The following PCDH7 variants were observed in gnomAD, a reference collection of about 807,000 sequenced individuals.
PCDH7 encodes protocadherin-7.
In PCDH7, 17 loss-of-function variants were observed where a neutral mutation model predicts 58.9. The ratio of observed to expected loss-of-function variants is 0.29; its 90% CI spans 0.20 to 0.43. PCDH7 has a LOEUF of 0.43. PCDH7 is among the 20% of genes least tolerant of loss of function. The pLI is 1.00. For missense variants in PCDH7, 1,274 were observed against 1,441.0 expected (o/e 0.88, Z 1.88); for synonymous variants, 664 against 616.4 (o/e 1.08, Z -1.14).
chr4:31,045,483 G>T (rs1372362001), intron 3 of PCDH7, among the ~76,000 whole-genome samples: 2 of 151,914 alleles, frequency 1.3e-5, no homozygotes, highest in African/African-American at 4.8e-5. Context: ...CTTACACTGG[G>T]CATTCCGTTC....
intron 3 of PCDH7, among the ~76,000 whole-genome samples, chr4:31,135,791 G>A (rs953252481): frequency 1.9e-4 from 29 of 152,190 alleles, no homozygotes; most frequent in African/African-American, 6.3e-4. Flanking sequence ...GATGCAAATA[G>A]CCTTGCATTA....
intron 2 of PCDH7, among the ~76,000 whole-genome samples, chr4:30,948,277 G>A (rs1459075322): frequency 6.8e-6 from 1 of 148,006 alleles, no homozygotes; most frequent in Non-Finnish European, 1.5e-5. Flanking sequence ...TAGCATATTA[G>A]CAACTCATAT....
At chr4:30,724,344 C>T (rs1714295943) in exon 1 of PCDH7, 5 of 1,613,950 alleles carry the variant, frequency 3.1e-6, no homozygotes, top group East Asian at 2.2e-5. Flanking sequence ...TGTCAGACAG[C>T]CCAAGCATGG....
Position 31,097,527 on chromosome 4 carries a change from GA to G in PCDH7, c.*8-44943del, listed in dbSNP as rs1455901297. Among the ~76,000 whole-genome samples, 150 of 131,334 alleles carry G rather than the reference GA, an allele frequency of 1.1e-3. 4 individuals are homozygous for G. The highest frequency in any genetic ancestry group is 4.0e-3 in the African/African-American group (140 of 35,370). The allele number at this position is 131,334 out of a possible 152,430, so 86.2% of individuals were successfully genotyped here. Reference sequence around the variant, plus strand: ...AAGAAAGAGAGAAAGAAAGAAGAAAGAAAGAAAGAAAGAAAGATGCACTTAC... The same window carrying G: ...AAGAAAGAGAGAAAGAAAGAAGAAAGAAGAAAGAAAGAAAGATGCACTTAC... On this transcript the variant is annotated intron_variant, in intron 3 of 3. Coordinates refer to the PCDH7 transcript ENST00000509759.
chr4:30,731,906 A>C (rs1412586107), exon 2 of PCDH7: 1 of 152,174 alleles, frequency 6.6e-6, no homozygotes, highest in Non-Finnish European at 1.5e-5. Flanking sequence ...TGTAAAGTTT[A>C]ATAATTTTGT....
At chr4:31,125,036 T>C (rs1718134029) in intron 3 of PCDH7, among the ~76,000 whole-genome samples, 1 of 152,236 alleles carries the variant, frequency 6.6e-6, no homozygotes, top group African/African-American at 2.4e-5. Context: ...TCTTGCCATG[T>C]AGGATCTAAA....
At position 30,722,706 on chromosome 4, in the gene PCDH7, G is replaced by A. The variant is rs957183676; in HGVS notation, c.1284G>A (p.Gly428=). 1.8e-5 allele frequency: 29 copies of A among 1,613,466 alleles called. No homozygotes were observed. Among genetic ancestry groups the A allele is most frequent in the Non-Finnish European group, 2.4e-5 (28 of 1,180,032 alleles). Residue 428 remains glycine (G), a synonymous_variant, in exon 1 of 2, where the codon GGG becomes GGA. Coordinates refer to ENST00000361762, the Ensembl canonical transcript of PCDH7. This position sits in a 1 kb window ranked among gnomAD's most constrained non-coding sequence, Gnocchi z 7.6. ...TTGGGCGCATCCCCCTCAAGGACGG[G>A]GTGGCCAACGTGGCCGAGGACGTTC...
chr4:31,130,305 A>G (rs1278723975), intron 3 of PCDH7, among the ~76,000 whole-genome samples: 1 of 152,236 alleles, frequency 6.6e-6, no homozygotes, highest in African/African-American at 2.4e-5. Context: ...TTGATCATAT[A>G]CAAATAATAC....
intron 1 of PCDH7, among the ~76,000 whole-genome samples, chr4:30,872,831 T>C (rs1423346086): frequency 2.0e-5 from 3 of 152,092 alleles, no homozygotes; most frequent in African/African-American, 7.2e-5. Flanking sequence ...TTTTTTCTCA[T>C]CATTTAAATA....
chr4:30,920,596 A>G (rs1004191080), intron 2 of PCDH7, among the ~76,000 whole-genome samples: 2 of 152,196 alleles, frequency 1.3e-5, no homozygotes, highest in African/African-American at 4.8e-5. Flanking sequence ...GTCAGAAATA[A>G]ACGCACTTAT....
intron 3 of PCDH7, among the ~76,000 whole-genome samples, chr4:30,962,751 T>G (rs1200192859): frequency 2.5e-5 from 3 of 122,010 alleles, no homozygotes; most frequent in East Asian, 2.5e-4. Flanking sequence ...CACTGCAGCC[T>G]GGGGGTCAGA....
intron 1 of PCDH7, among the ~76,000 whole-genome samples, chr4:30,788,117 G>T (rs1434514723): frequency 6.6e-6 from 1 of 151,986 alleles, no homozygotes; most frequent in Non-Finnish European, 1.5e-5. Context: ...TGTGAATCAT[G>T]GGTGCTATTA....
chr4:30,811,983 C>T (rs1395077905), intron 1 of PCDH7, among the ~76,000 whole-genome samples: 1 of 152,140 alleles, frequency 6.6e-6, no homozygotes, highest in Admixed American at 6.5e-5. Flanking sequence ...CAGACATGCA[C>T]AAGACGCGGT....
intron 1 of PCDH7, among the ~76,000 whole-genome samples, chr4:30,843,011 A>G (rs1158879341): frequency 6.6e-6 from 1 of 151,698 alleles, no homozygotes; most frequent in Non-Finnish European, 1.5e-5. Flanking sequence ...AACCCTAGCA[A>G]TTACTACCGG....
chr4:31,080,304 A>G (rs2109267539), intron 3 of PCDH7, among the ~76,000 whole-genome samples: 1 of 152,086 alleles, frequency 6.6e-6, no homozygotes, highest in East Asian at 1.9e-4. Flanking sequence ...TAGCATATCT[A>G]TTCCTTGGAT....
intron 3 of PCDH7, among the ~76,000 whole-genome samples, chr4:31,062,951 G>C (rs1332932142): frequency 6.6e-6 from 1 of 151,950 alleles, no homozygotes; most frequent in Admixed American, 6.6e-5. Flanking sequence ...ATTACATGCA[G>C]TATAGCTAGT....
At chr4:30,859,293 A>ATTAG (rs1733887447) in intron 1 of PCDH7, among the ~76,000 whole-genome samples, 1 of 152,140 alleles carries the variant, frequency 6.6e-6, no homozygotes, top group African/African-American at 2.4e-5. Context: ...TTTAGGTATA[A>ATTAG]TTAGGAGAGC....
At chr4:31,143,753 A>G (rs934039095), downstream of PCDH7, 3 of 152,244 alleles carry the variant, frequency 2.0e-5, no homozygotes, top group Non-Finnish European at 2.9e-5. Flanking sequence ...GTGGAAAACC[A>G]TTAAACAACA....
chr4:31,125,304 CCTTT>C (rs1162883772), intron 3 of PCDH7, among the ~76,000 whole-genome samples: 2 of 152,212 alleles, frequency 1.3e-5, no homozygotes. Context: ...CAAGTTGTCA[CCTTT>C]CTATCTGTCC....
Sources: gnomAD v4.1 joint callset for allele counts (sites outside exome capture counted in the v4.1 genomes callset) on GRCh38, gnomAD v4.1.1 for gene constraint, Gnocchi (gnomAD v3.1) non-coding constraint, MANE v1.5 for transcripts, NCBI Gene and HGNC (gene_info 2026-07-23, HGNC 2026-07-21) for gene names.